Variants in CACNA1D observed in about 807,000 individuals in gnomAD.
The protein encoded by CACNA1D is voltage-dependent L-type calcium channel subunit alpha-1D.
CACNA1D carries 55 observed loss-of-function variants against 257.1 expected under a neutral mutation model. The observed-to-expected ratio is 0.21, with a 90% CI of 0.17 to 0.27. CACNA1D has a LOEUF of 0.27. Ranked by LOEUF, CACNA1D falls within the 10% of genes least tolerant of loss-of-function variation. CACNA1D has a pLI of 1.00. For missense variants in CACNA1D, 1,876 were observed against 2,784.0 expected (o/e 0.67, Z 7.34); for synonymous variants, 980 against 1,014.9 (o/e 0.97, Z 0.65).
At chr3:53,759,490 G>C (rs2108930875) in intron 29 of CACNA1D, among the ~76,000 whole-genome samples, 1 of 152,370 alleles carries the variant, frequency 6.6e-6, no homozygotes, top group Non-Finnish European at 1.5e-5. Context: ...ACCACAGCAG[G>C]TGCGAAGGGC....
rs554610242 is a variant in CACNA1D, at chr3:53,522,036, T to C, written c.483+20316T>C. On this transcript the variant is annotated intron_variant, in intron 3 of 47. Coordinates refer to ENST00000350061, the MANE Select transcript of CACNA1D (RefSeq NM_001128840.3). ...AGTCCTAGCTAGCTACCCAGGAGGC[T>C]GAGGTAGGAGGATTGCTTCAGCCCA... Among the ~76,000 whole-genome samples the C allele has an allele frequency of 8.6e-5, 13 of 151,670 alleles. No individual in the cohort carries two copies. In the South Asian group the frequency reaches 2.1e-3, roughly 24 times the overall value.
At chr3:53,615,171 C>T (rs1027915677) in intron 3 of CACNA1D, among the ~76,000 whole-genome samples, 3 of 152,208 alleles carry the variant, frequency 2.0e-5, no homozygotes, top group Non-Finnish European at 2.9e-5. Flanking sequence ...TGCTCTCAGC[C>T]CCATCACCTG....
intron 3 of CACNA1D, among the ~76,000 whole-genome samples, chr3:53,551,027 C>T: frequency 6.6e-6 from 1 of 152,150 alleles, no homozygotes. Context: ...CTTTAAAGCT[C>T]CATTTTTGGG....
At position 53,735,517 on chromosome 3, in the gene CACNA1D, G is replaced by A. The variant is rs748663117; in HGVS notation, c.2751+14G>A. 31 of 1,613,558 alleles carry A rather than the reference G, an allele frequency of 1.9e-5. No homozygotes were observed. In the African/African-American group the frequency reaches 3.2e-4, roughly 17 times the overall value. On this transcript the variant is annotated intron_variant, in intron 20 of 47. Transcript: ENST00000350061. ...TTCCGGAACACGGTAAGTCCCCAGG[G>A]TGGGGCTCGCTCTGGGATAGCCCTG...
chr3:53,783,476 T>C (rs1438383844), intron 39 of CACNA1D, among the ~76,000 whole-genome samples: 1 of 152,192 alleles, frequency 6.6e-6, no homozygotes, highest in African/African-American at 2.4e-5. Flanking sequence ...GAGTTTAGGA[T>C]GACAGGTTTT....
chr3:53,562,005 G>A (rs983583392), intron 3 of CACNA1D, among the ~76,000 whole-genome samples: 3 of 152,224 alleles, frequency 2.0e-5, no homozygotes, highest in Admixed American at 1.3e-4. Flanking sequence ...CACATTTTGT[G>A]TGCTGCTTCG....
intron 11 of CACNA1D, among the ~76,000 whole-genome samples, chr3:53,721,799 G>A (rs1270162089): frequency 1.3e-5 from 2 of 151,680 alleles, no homozygotes; most frequent in Admixed American, 1.3e-4. Flanking sequence ...GATTGAAAAG[G>A]TTCCCTTTAA....
chr3:53,704,620 G>A (rs185947577), intron 9 of CACNA1D, among the ~76,000 whole-genome samples: 5 of 152,340 alleles, frequency 3.3e-5, no homozygotes, highest in East Asian at 3.9e-4. Flanking sequence ...TGCACCTGCA[G>A]TATGGCAACA....
intron 3 of CACNA1D, among the ~76,000 whole-genome samples, chr3:53,616,074 A>G (rs2093633240): frequency 6.6e-6 from 1 of 152,002 alleles, no homozygotes; most frequent in Non-Finnish European, 1.5e-5. Flanking sequence ...TCCTTGGGAA[A>G]CTTTCCCCTT....
chr3:53,657,806 C>T (rs1340752245), intron 4 of CACNA1D, among the ~76,000 whole-genome samples: 3 of 152,134 alleles, frequency 2.0e-5, no homozygotes, highest in Non-Finnish European at 4.4e-5. Context: ...TGACCTATTG[C>T]TTTTGTCAAG....
chr3:53,668,083 A>G (rs1252525460), intron 7 of CACNA1D, among the ~76,000 whole-genome samples: 1 of 152,150 alleles, frequency 6.6e-6, no homozygotes, highest in African/African-American at 2.4e-5. Context: ...TAGAAAAAGC[A>G]TCATCAAAAT....
At chr3:53,728,186 T>C (rs2094954413) in intron 15 of CACNA1D, among the ~76,000 whole-genome samples, 1 of 152,226 alleles carries the variant, frequency 6.6e-6, no homozygotes. Flanking sequence ...GCAGGCTGGA[T>C]GGAGTGCAGT....
At chr3:53,671,127 G>T (rs563655268) in intron 7 of CACNA1D, among the ~76,000 whole-genome samples, 142 of 152,244 alleles carry the variant, frequency 9.3e-4, no homozygotes, top group Non-Finnish European at 1.7e-3. Context: ...CTACTCCCAA[G>T]AAATTAAAAG....
rs535016915 is a variant in CACNA1D, at chr3:53,560,602, A to G, written c.483+58882A>G. Reference sequence around the variant, plus strand: ...GTAAATATTTTAGTCTTGTGGTCTCATAGTCTCTGTCATAACTTCTTAACT... The same window carrying G: ...GTAAATATTTTAGTCTTGTGGTCTCGTAGTCTCTGTCATAACTTCTTAACT... On this transcript the variant is annotated intron_variant, in intron 3 of 47. Coordinates refer to ENST00000350061, the MANE Select transcript of CACNA1D (RefSeq NM_001128840.3). Among the ~76,000 whole-genome samples the G allele has an allele frequency of 1.6e-4, 24 of 152,324 alleles. 1 individual carries two copies. The highest frequency in any genetic ancestry group is 5.8e-4 in the African/African-American group (24 of 41,562).
At chr3:53,791,088 C>T (rs2095480299) in intron 40 of CACNA1D, 2 of 698,416 alleles carry the variant, frequency 2.9e-6, no homozygotes, top group Admixed American at 2.0e-5. Flanking sequence ...CTCAAGTGGG[C>T]TTATTTCTAC....
Position 53,803,495 on chromosome 3 carries a change from C to T in CACNA1D, c.5508C>T (p.Asp1836=). 1 of 1,614,020 alleles carries T rather than the reference C, an allele frequency of 6.2e-7. No homozygotes were observed. The highest frequency in any genetic ancestry group is 1.1e-5 in the South Asian group (1 of 91,080). Reference sequence around the variant, plus strand: ...CAGAGATACATGGCTATTTCAGGGACCCCCACTGCTTGGGGGAGCAGGAGT... The same window carrying T: ...CAGAGATACATGGCTATTTCAGGGATCCCCACTGCTTGGGGGAGCAGGAGT... The part of the protein sequence containing the change: ...EDPEIHGYFR[D]PHCLGEQEYF... Residue 1836 remains aspartate (D), a synonymous_variant, in exon 44 of 48, where the codon GAC becomes GAT. Coordinates refer to ENST00000350061, the MANE Select transcript of CACNA1D (RefSeq NM_001128840.3).
At chr3:53,622,560 G>A (rs1463359990) in intron 3 of CACNA1D, among the ~76,000 whole-genome samples, 1 of 152,132 alleles carries the variant, frequency 6.6e-6, no homozygotes, top group Non-Finnish European at 1.5e-5. Context: ...TTATAAGTGG[G>A]AGCTAAATGA....
chr3:53,550,943 A>G (rs1171358280), intron 3 of CACNA1D, among the ~76,000 whole-genome samples: 1 of 152,226 alleles, frequency 6.6e-6, no homozygotes, highest in Non-Finnish European at 1.5e-5. Context: ...TACAGTGATG[A>G]TATCATTCTT....
intron 40 of CACNA1D, among the ~76,000 whole-genome samples, chr3:53,796,573 G>C (rs1012461067): frequency 6.6e-6 from 1 of 152,160 alleles, no homozygotes; most frequent in Non-Finnish European, 1.5e-5. Context: ...GAGAAAGAAA[G>C]GTAAATGGGT....
Sources: gnomAD v4.1 joint callset for allele counts (sites outside exome capture counted in the v4.1 genomes callset) on GRCh38, gnomAD v4.1.1 for gene constraint, MANE v1.5 for transcripts, NCBI Gene and HGNC (gene_info 2026-07-23, HGNC 2026-07-21) for gene names.